RBFOX1: variants seen among roughly 807,000 people sequenced by gnomAD.
The protein encoded by RBFOX1 is RNA binding fox-1 homolog 1, also known as RNA binding protein fox-1 homolog 1.
Under a neutral mutation model 57.7 loss-of-function variants are expected in RBFOX1, and 8 were observed. The ratio of observed to expected loss-of-function variants is 0.14; its 90% CI spans 0.08 to 0.25. The LOEUF is 0.25. Ranked by LOEUF, RBFOX1 falls within the 10% of genes least tolerant of loss-of-function variation. The probability of loss-of-function intolerance (pLI) is 1.00; values close to 1 mark genes in which losing one functional copy is unlikely to be tolerated. For synonymous variants in RBFOX1, 326 were observed against 222.4 expected (o/e 1.47, Z -4.15); for missense variants, 611 against 548.5 (o/e 1.11, Z -1.14).
intron 4 of RBFOX1, among the ~76,000 whole-genome samples, chr16:5,919,897 G>A (rs2058784278): frequency 1.3e-5 from 2 of 151,880 alleles, no homozygotes; most frequent in South Asian, 4.2e-4. Flanking sequence ...TTTTTTCACT[G>A]AGCATAATGT....
chr16:5,995,804 C>T (rs1388665055), intron 4 of RBFOX1, among the ~76,000 whole-genome samples: 1 of 152,150 alleles, frequency 6.6e-6, no homozygotes, highest in African/African-American at 2.4e-5. Flanking sequence ...CTCACCATTT[C>T]ATTAAGAGGA....
At chr16:7,707,927 C>T (rs577588952) in intron 14 of RBFOX1, among the ~76,000 whole-genome samples, 6 of 152,280 alleles carry the variant, frequency 3.9e-5, no homozygotes, top group East Asian at 1.9e-4. Context: ...CAAGGAAGGA[C>T]GTCAGCTTCA....
In RBFOX1 at chr16:6,770,596, ATT is replaced by A. The variant is rs5815346; in HGVS notation, c.-16+115956_-16+115957del. Among the ~76,000 whole-genome samples the A allele has an allele frequency of 2.3e-3, 340 of 148,412 alleles. 3 individuals are homozygous for A. Among genetic ancestry groups the A allele is most frequent in the African/African-American group, 8.1e-3 (332 of 40,918 alleles). On this transcript the variant is annotated intron_variant, in intron 3 of 15. Transcript: ENST00000550418. ...ACAATTTCAAGGTGTTCCCTGTTCA[ATT>A]TTTTTTTTTAATGTGAGAAAAGAAA...
chr16:6,783,762 G>C lies in RBFOX1; in HGVS notation c.-16+129112G>C, dbSNP rs116180590. Among the ~76,000 whole-genome samples, 1,448 of 152,104 alleles carry C rather than the reference G, an allele frequency of 9.5e-3. 17 individuals carry two copies. Among genetic ancestry groups the C allele is most frequent in the African/African-American group, 0.033 (1,368 of 41,516 alleles). On this transcript the variant is annotated intron_variant, in intron 3 of 15. Transcript: ENST00000550418. ...GCTTTAGACCTTCAGGTAATTTCTT[G>C]CTGCACATTTGTACCCCTGTCTTTC...
intron 3 of RBFOX1, among the ~76,000 whole-genome samples, chr16:6,816,542 C>T (rs901903700): frequency 2.0e-5 from 3 of 151,296 alleles, no homozygotes; most frequent in Non-Finnish European, 2.9e-5. Context: ...GAGATGAAGA[C>T]CATCCTGGCT....
rs114556800 is a variant in RBFOX1 at position 6,019,714 on chromosome 16, G to T, written c.-405G>T. The T allele has an allele frequency of 5.8e-6, 8 of 1,372,946 alleles. No individual in the cohort carries two copies. Among genetic ancestry groups the T allele is most frequent in the Non-Finnish European group, 6.6e-6 (7 of 1,063,314 alleles). 85.0% of individuals were successfully genotyped at this position (1,372,946 alleles called of 1,614,324 possible). A position where few individuals can be genotyped will look rare whatever the true frequency, so the allele number is the denominator to read the frequency against. On this transcript the variant is annotated 5_prime_UTR_variant, in exon 1 of 16. Transcript: ENST00000550418. This position sits in a 1 kb window ranked among gnomAD's most constrained non-coding sequence, Gnocchi z 4.2. ...CTTCTTGCCCAGGCAGAGAGAGCAG[G>T]AGCGGACCGCGCGCCCGGGATTGAG...
At chr16:6,686,686 A>G (rs907511589) in intron 3 of RBFOX1, among the ~76,000 whole-genome samples, 4 of 152,250 alleles carry the variant, frequency 2.6e-5, no homozygotes, top group African/African-American at 9.6e-5. Flanking sequence ...TTCTTCTTTA[A>G]TGCTAAGGGA....
intron 14 of RBFOX1, among the ~76,000 whole-genome samples, chr16:7,681,484 AAGT>A (rs1423400270): frequency 6.6e-6 from 1 of 152,110 alleles, no homozygotes; most frequent in Non-Finnish European, 1.5e-5. Flanking sequence ...GCCTCAGATT[AAGT>A]AGTAGAGAAA....
chr16:6,238,969 G>A (rs1194303380), intron 1 of RBFOX1, among the ~76,000 whole-genome samples: 1 of 151,984 alleles, frequency 6.6e-6, no homozygotes, highest in Non-Finnish European at 1.5e-5. Context: ...TCACCCTGTT[G>A]TGCTGTAAGG....
At chr16:5,939,090 CG>C (rs2059228665) in intron 4 of RBFOX1, among the ~76,000 whole-genome samples, 1 of 148,468 alleles carries the variant, frequency 6.7e-6, no homozygotes, top group African/African-American at 2.5e-5. Flanking sequence ...CACTGCGTGT[CG>C]TGGGGTTGGG....
intron 3 of RBFOX1, among the ~76,000 whole-genome samples, chr16:6,811,706 A>G (rs1258256260): frequency 1.3e-5 from 2 of 152,144 alleles, no homozygotes; most frequent in Non-Finnish European, 2.9e-5. Context: ...CCTGGCCAAT[A>G]TGGTGAAATC....
chr16:5,959,183 A>C (rs770018919), intron 4 of RBFOX1, among the ~76,000 whole-genome samples: 1 of 152,200 alleles, frequency 6.6e-6, no homozygotes, highest in Non-Finnish European at 1.5e-5. Context: ...ATGCTGGCTA[A>C]GCATCAGACA....
At chr16:6,391,379 G>A (rs908449358) in intron 2 of RBFOX1, among the ~76,000 whole-genome samples, 2 of 151,900 alleles carry the variant, frequency 1.3e-5, no homozygotes, top group African/African-American at 4.8e-5. Flanking sequence ...GCATGGCGGC[G>A]GGCACCTGTA....
intron 3 of RBFOX1, among the ~76,000 whole-genome samples, chr16:6,952,246 G>A (rs900289183): frequency 2.6e-5 from 4 of 152,158 alleles, no homozygotes; most frequent in South Asian, 2.1e-4. Context: ...TCCCTGCTAC[G>A]TTTCTGTAGA....
intron 4 of RBFOX1, among the ~76,000 whole-genome samples, chr16:7,220,412 T>C (rs1461807616): frequency 6.6e-6 from 1 of 152,176 alleles, no homozygotes; most frequent in East Asian, 1.9e-4. Context: ...TGCAATGCAT[T>C]ACAATGCTAG....
rs117707664 is a variant in RBFOX1, at chr16:6,799,118, A to T, written c.-16+144468A>T. Among the ~76,000 whole-genome samples the T allele has an allele frequency of 8.7e-3, 1,323 of 152,172 alleles. 14 individuals carry two copies. The highest frequency in any genetic ancestry group is 0.014 in the Middle Eastern group (4 of 294). On this transcript the variant is annotated intron_variant, in intron 3 of 15. Transcript: ENST00000550418. ...TACGGTGACTAGCTGATGCAGGTGA[A>T]TCCCAGAACTGGGGCTCAGCTTCGA... is the stretch of plus-strand genomic sequence containing the variant.
chr16:6,509,882 A>G (rs1283527558), intron 2 of RBFOX1, among the ~76,000 whole-genome samples: 1 of 152,228 alleles, frequency 6.6e-6, no homozygotes, highest in African/African-American at 2.4e-5. Flanking sequence ...GAGAAGTCAG[A>G]TTTGAGGAGA....
At chr16:7,081,905 G>C (rs551963853) in intron 4 of RBFOX1, among the ~76,000 whole-genome samples, 1 of 152,226 alleles carries the variant, frequency 6.6e-6, no homozygotes, top group African/African-American at 2.4e-5. Context: ...GTGGAGTTTG[G>C]GATAATGTAG....
chr16:6,876,188 A>AC (rs1449686005), intron 3 of RBFOX1, among the ~76,000 whole-genome samples: 4 of 151,990 alleles, frequency 2.6e-5, no homozygotes, highest in Non-Finnish European at 4.4e-5. Context: ...CCCTCTCAAA[A>AC]AAAACAAAGC....
Sources: gnomAD v4.1 joint callset for allele counts (sites outside exome capture counted in the v4.1 genomes callset) on GRCh38, gnomAD v4.1.1 for gene constraint, Gnocchi (gnomAD v3.1) non-coding constraint, MANE v1.5 for transcripts, NCBI Gene and HGNC (gene_info 2026-07-23, HGNC 2026-07-21) for gene names.